The following DCTN1 variants were observed in gnomAD, a reference collection of about 807,000 sequenced individuals.
The protein encoded by DCTN1 is 150 kDa dynein-associated polypeptide.
Under a neutral mutation model 161.2 loss-of-function variants are expected in DCTN1, and 61 were observed. That is an observed-to-expected ratio of 0.38 (90% CI 0.31 to 0.47). DCTN1 has a LOEUF of 0.47. Among genes scored for constraint, DCTN1 ranks in the 20% least tolerant of loss-of-function variants. DCTN1 has a pLI of 0.99. For synonymous variants in DCTN1, 653 were observed against 632.4 expected (o/e 1.03, Z -0.49); for missense variants, 1,404 against 1,623.7 (o/e 0.86, Z 2.33).
chr2:74,366,237 C>T lies in DCTN1; in HGVS notation c.2760+7G>A. 1 of 1,614,106 alleles carries T rather than the reference C, an allele frequency of 6.2e-7. No homozygotes were observed. On this transcript the variant is annotated splice_region_variant and intron_variant, in intron 23 of 31. Coordinates refer to ENST00000628224, the MANE Select transcript of DCTN1 (RefSeq NM_004082.5). ...TCTGCAACTTCTCCAAGGAAATCTC[C>T]ACCTACCTTGCTGGGGGGCCGCTCT...
upstream of DCTN1, chr2:74,385,165 T>C (rs1022119077): frequency 6.6e-6 from 1 of 152,340 alleles, no homozygotes; most frequent in Non-Finnish European, 1.5e-5. Flanking sequence ...CCACTCTGAA[T>C]GCAGCTCTAC....
At chr2:74,361,712 GC>G (rs1674007611) in intron 31 of DCTN1, 76 bp from the exon 32 acceptor site, 1 of 1,596,120 alleles carries the variant, frequency 6.3e-7, no homozygotes, top group Admixed American at 1.7e-5. Flanking sequence ...GGGTCCCTGA[GC>G]ACTGAGACCA....
At position 74,368,770 on chromosome 2, in the gene DCTN1, G is replaced by C; in HGVS notation, c.1812C>G (p.Asp604Glu). 1.2e-6 allele frequency: 2 copies of C among 1,614,272 alleles called. No individual in the cohort carries two copies. Among genetic ancestry groups the C allele is most frequent in the Non-Finnish European group, 1.7e-6 (2 of 1,180,054 alleles). ...GCATGAGCAACAGCACCAGAACGCA[G>C]TCATGGTCCCCACCTGGCCGAAGGA... ...DSFLRPGGDH[D>E]CVLVLLLMPR... Residue 604 changes from aspartate to glutamate, a missense_variant, in exon 16 of 32, where the codon GAC (aspartate) becomes GAG (glutamate). Coordinates refer to ENST00000628224, the MANE Select transcript of DCTN1 (RefSeq NM_004082.5).
chr2:74,368,903 G>A (rs747653436), intron 15 of DCTN1, 23 bp from the exon 16 acceptor site: 3 of 1,613,788 alleles, frequency 1.9e-6, no homozygotes, highest in African/African-American at 1.3e-5. Context: ...CAGGGAGGAG[G>A]ACTCTTAGCC....
chr2:74,368,789 C>T lies in DCTN1; in HGVS notation c.1793G>A (p.Arg598Gln), dbSNP rs779723221. 14 of 1,614,224 alleles carry T rather than the reference C, an allele frequency of 8.7e-6. No homozygotes were observed. The East Asian group carries it at 1.1e-4, about 13-fold the overall frequency. ...LTAFMPDSFL[R>Q]PGGDHDCVLV... ...AACGCAGTCATGGTCCCCACCTGGC[C>T]GAAGGAAGCTGTCAGGCATGAAGGC... Residue 598 changes from arginine to glutamine, a missense_variant, in exon 16 of 32, where the codon CGG becomes CAG. Arg to Gln is a conservative substitution (Grantham distance 43). Around this residue, in one of 9 missense-constraint regions of DCTN1, gnomAD observed 278 missense variants for 363.8 expected, o/e 0.76. Transcript: ENST00000628224.
At chr2:74,377,849 A>G in intron 2 of DCTN1, 123 bp from the exon 3 acceptor site, 1 of 1,445,870 alleles carries the variant, frequency 6.9e-7, no homozygotes, top group Non-Finnish European at 9.7e-7. Context: ...TTCCCTAAGG[A>G]TGCATCTTCA....
rs72659365 is a variant in DCTN1, at chr2:74,377,776, T to C, written c.280-50A>G. 1,950 of 1,567,214 alleles carry C rather than the reference T, an allele frequency of 1.2e-3. 3 individuals carry two copies. The highest frequency in any genetic ancestry group is 5.3e-3 in the Middle Eastern group (32 of 5,988). ...GATCAATAGTTTCAATATAGCCAGATCAAGGACGGCTGTAATATGGGCCCC... is the reference window on the plus strand; with the variant it reads ...GATCAATAGTTTCAATATAGCCAGACCAAGGACGGCTGTAATATGGGCCCC... On this transcript the variant is annotated intron_variant, in intron 2 of 31. Transcript: ENST00000628224.
Position 74,371,586 on chromosome 2 carries a change from G to A in DCTN1, c.596C>T (p.Pro199Leu), listed in dbSNP as rs11555695. Residue 199 changes from proline to leucine, a missense_variant, in exon 8 of 32, where the codon CCG (proline) becomes CTG (leucine). Around this residue, in one of 9 missense-constraint regions of DCTN1, gnomAD observed 174 missense variants for 175.6 expected, o/e 0.99. Transcript: ENST00000628224. ...GACTGCTCCAGGAGAGGTGAGGACC[G>A]GCGTGGGGATGATGGGTGCTGCCAG... Reference protein sequence around the residue: ...TPLAAPIIPTPVLTSPGAVPP... With the variant: ...TPLAAPIIPTLVLTSPGAVPP... 17 of 1,587,160 alleles carry A rather than the reference G, an allele frequency of 1.1e-5. No individual in the cohort carries two copies. Among genetic ancestry groups the A allele is most frequent in the Admixed American group, 1.8e-5 (1 of 55,650 alleles).
At position 74,371,160 on chromosome 2, in the gene DCTN1, C is replaced by T. The variant is rs778729791; in HGVS notation, c.662G>A (p.Arg221Lys). ...CTCCTCCAGGTCCCGCACCTGAGCC[C>T]TTAGTCCCTCCTCCTCCTGCAAAGG... The part of the protein sequence containing the change: ...PSPSKEEEGL[R>K]AQVRDLEEKL... The change falls in exon 9 of 32, where the codon AGG (arginine) becomes AAG (lysine). Residue 221 changes from arginine to lysine, a missense_variant. Around this residue, in one of 9 missense-constraint regions of DCTN1, gnomAD observed 67 missense variants for 116.3 expected, o/e 0.58. Coordinates refer to ENST00000628224, the MANE Select transcript of DCTN1 (RefSeq NM_004082.5). 6.2e-7 allele frequency: 1 copy of T among 1,613,838 alleles called. No homozygotes were observed. Among genetic ancestry groups the T allele is most frequent in the South Asian group, 1.1e-5 (1 of 91,088 alleles).
rs1278076056 is a variant in DCTN1, at chr2:74,370,769, A to T, written c.900T>A (p.Thr300=). The T allele has an allele frequency of 1.2e-6, 2 of 1,614,072 alleles. No homozygotes were observed. The highest frequency in any genetic ancestry group is 8.5e-7 in the Non-Finnish European group (1 of 1,180,038). The change falls in exon 10 of 32, where the codon ACT becomes ACA. Residue 300 remains threonine, a synonymous_variant. Coordinates refer to ENST00000628224, the MANE Select transcript of DCTN1 (RefSeq NM_004082.5). The surrounding 1 kb of genome is among the most constrained non-coding windows in gnomAD (Gnocchi z 4.4). ...AAGTGGCCATCTCAATGGCATCAGC[A>T]GTATCAGCCATCTCCTCCATATAGC... ...KERYMEEMAD[T]ADAIEMATLD...
At chr2:74,363,906 G>A (rs574604055) in intron 26 of DCTN1, 2 of 522,038 alleles carry the variant, frequency 3.8e-6, no homozygotes, top group Admixed American at 3.1e-5. Flanking sequence ...CAAAGTACTT[G>A]GAACATGAGG....
chr2:74,380,429 C>T, upstream of DCTN1: 1 of 493,652 alleles, frequency 2.0e-6, no homozygotes, highest in Non-Finnish European at 4.1e-6. Context: ...CCTCAGCACT[C>T]AACTCTTGAA....
intron 5 of DCTN1, 102 bp downstream of exon 5, chr2:74,376,640 A>T: frequency 8.6e-7 from 1 of 1,168,444 alleles, no homozygotes; most frequent in Non-Finnish European, 1.3e-6. Context: ...TCCCAGCCCA[A>T]GGTCACACAC....
At chr2:74,388,045 T>C (rs1180736950) in intron 1 of DCTN1, among the ~76,000 whole-genome samples, 4 of 151,502 alleles carry the variant, frequency 2.6e-5, no homozygotes, top group Non-Finnish European at 4.4e-5. Context: ...ATTAGCTGGG[T>C]GTGGTGGTGG....
intron 1 of DCTN1, among the ~76,000 whole-genome samples, chr2:74,379,612 C>T (rs534415418): frequency 9.7e-4 from 148 of 152,306 alleles, no homozygotes; most frequent in African/African-American, 3.4e-3. Context: ...GGGGCCACAA[C>T]AGTAGCTACA....
intron 6 of DCTN1, chr2:74,374,099 G>A (rs1573171557): frequency 1.7e-6 from 1 of 604,470 alleles, no homozygotes; most frequent in African/African-American, 1.8e-5. Flanking sequence ...TGGGTGTTAA[G>A]GCCTGGAACA....
chr2:74,366,966 A>T, intron 20 of DCTN1, 34 bp from the exon 21 acceptor site: 1 of 1,614,216 alleles, frequency 6.2e-7, no homozygotes. Context: ...TGGAGAACCA[A>T]GTTAGCATTA....
intron 5 of DCTN1, among the ~76,000 whole-genome samples, chr2:74,375,833 G>C (rs1675189639): frequency 6.6e-6 from 1 of 152,138 alleles, no homozygotes; most frequent in African/African-American, 2.4e-5. Context: ...ACCAGGAGCT[G>C]GTTTCCCCCT....
chr2:74,383,090 A>T (rs1166601478), upstream of DCTN1, among the ~76,000 whole-genome samples: 2 of 150,348 alleles, frequency 1.3e-5, no homozygotes, highest in East Asian at 1.9e-4. Context: ...TCAAAAAAAA[A>T]AAAATAAATA....
Sources: allele counts gnomAD v4.1 joint callset (sites outside exome capture counted in the v4.1 genomes callset), GRCh38; gene constraint gnomAD v4.1.1; regional missense constraint gnomAD v4.1.1; non-coding constraint Gnocchi (gnomAD v3.1); transcripts MANE v1.5; gene names NCBI Gene and HGNC (gene_info 2026-07-23, HGNC 2026-07-21).